TMEM156: variants seen among roughly 807,000 people sequenced by gnomAD.
TMEM156 encodes the protein transmembrane protein 156.
Under a neutral mutation model 30.5 loss-of-function variants are expected in TMEM156, and 28 were observed. The observed-to-expected ratio is 0.92, with a 90% confidence interval of 0.68 to 1.26. The LOEUF (loss-of-function observed/expected upper bound fraction) is 1.26. TMEM156 is among the 50% of genes most tolerant of loss of function. TMEM156 has a pLI of 0.00. For synonymous variants in TMEM156, 137 were observed against 119.9 expected, an observed-to-expected ratio of 1.14 and a Z score of -0.93; for missense variants, 351 against 340.6, an observed-to-expected ratio of 1.03 and a Z score of -0.24.
chr4:38,990,832 T>TTC lies in TMEM156; in HGVS notation c.620-1863_620-1862insGA, dbSNP rs1259655227. ...TTGTTTTTTTGGTTTGTTTTCTGGT[T>TTC]TTTTTTTTTTTTTTTTTTTTTGAGA... On this transcript the variant is annotated intron_variant, in intron 3 of 6. Transcript: ENST00000381938. Among the ~76,000 whole-genome samples, 285 of 66,424 alleles carry TTC rather than the reference T, an allele frequency of 4.3e-3. 14 individuals carry two copies. Among genetic ancestry groups the TTC allele is most frequent in the African/African-American group, 0.011 (232 of 21,818 alleles). 43.6% of individuals were successfully genotyped at this position (66,424 alleles called of 152,430 possible). A position where few individuals can be genotyped will look rare whatever the true frequency, so the allele number is the denominator to read the frequency against.
Position 39,021,827 on chromosome 4 carries a change from C to T in TMEM156, c.88+10399G>A, listed in dbSNP as rs143554077. 6.0e-3 allele frequency among the ~76,000 whole-genome samples: 910 copies of T among 152,272 alleles called. 3 individuals carry two copies. The highest frequency in any genetic ancestry group is 0.054 in the Middle Eastern group (16 of 294). On this transcript the variant is annotated intron_variant, in intron 1 of 6. Transcript: ENST00000381938. ...TTTTTGTACATGGTGTGAAATGAGT[C>T]TGATTACATTCTTCTGTGCTTACTC... is the stretch of plus-strand genomic sequence containing the variant.
chr4:39,005,428 G>A (rs1473623002), intron 1 of TMEM156, among the ~76,000 whole-genome samples: 1 of 152,152 alleles, frequency 6.6e-6, no homozygotes, highest in African/African-American at 2.4e-5. Context: ...GCTGCCTTGT[G>A]AAGAGCTGCC....
intron 1 of TMEM156, among the ~76,000 whole-genome samples, chr4:39,004,317 T>C (rs1271967237): frequency 6.6e-6 from 1 of 152,172 alleles, no homozygotes; most frequent in Non-Finnish European, 1.5e-5. Flanking sequence ...AGTCAAATAT[T>C]TTCTCTTTTT....
rs1172660541 is a variant in TMEM156 at position 38,998,879 on chromosome 4, A to G, written c.119T>C (p.Val40Ala). 2 of 1,613,518 alleles carry G rather than the reference A, an allele frequency of 1.2e-6. No homozygotes were observed. The highest frequency in any genetic ancestry group is 1.7e-6 in the Non-Finnish European group (2 of 1,179,866). ...ATAGGTAAAATTAGATTGCAAACAC[A>G]CTTCCAGACATGATAGCTCCAATGT... ...ERTLELSCLE[V>A]CLQSNFTYSL... is the part of the protein sequence containing the mutation. The change falls in exon 2 of 7, where the codon GTG becomes GCG. Residue 40 changes from valine (V) to alanine (A), a missense_variant. Val to Ala is a moderately conservative substitution (Grantham distance 64). Coordinates refer to ENST00000381938, the MANE Select transcript of TMEM156 (RefSeq NM_024943.3).
chr4:39,031,651 C>T (rs1302498142), intron 1 of TMEM156, among the ~76,000 whole-genome samples: 2 of 151,858 alleles, frequency 1.3e-5, no homozygotes, highest in Non-Finnish European at 2.9e-5. Flanking sequence ...TTTGGGAGGC[C>T]GAGGTGGGTG....
intron 3 of TMEM156, among the ~76,000 whole-genome samples, chr4:38,992,749 TATATATATATA>T (rs1560367193): frequency 2.2e-4 from 10 of 44,512 alleles, no homozygotes; most frequent in South Asian, 7.9e-4. Flanking sequence ...TATAATATAT[TATATATATATA>T]TATTTTTTTT....
rs1215767045 is a variant in TMEM156 at position 38,998,903 on chromosome 4, G to A, written c.95C>T (p.Thr32Ile). Residue 32 changes from threonine (T) to isoleucine (I), a missense_variant, in exon 2 of 7, where the codon ACA becomes ATA. By Grantham distance (89) the Thr-to-Ile change is moderately conservative. Transcript: ENST00000381938. The part of the protein sequence containing the change: ...PEYFKTPKER[T>I]LELSCLEVCL... ...CACTTCCAGACATGATAGCTCCAAT[G>A]TTCTTTCTGTAAAGAAAAAAGAAAA... 21 of 1,597,106 alleles carry A rather than the reference G, an allele frequency of 1.3e-5. No individual in the cohort carries two copies. Among genetic ancestry groups the A allele is most frequent in the Non-Finnish European group, 1.7e-5 (20 of 1,174,160 alleles).
rs1245171227 is a variant in TMEM156, at chr4:38,984,377, GTGTGTGT to G, written c.823+1952_823+1958del. On this transcript the variant is annotated intron_variant, in intron 5 of 6. Coordinates refer to ENST00000381938, the MANE Select transcript of TMEM156 (RefSeq NM_024943.3). The stretch of plus-strand genomic sequence containing the variant: ...TGTGTGTGTGTGTGTGTGTGTGTGT[GTGTGTGT>G]TGAACAATACTCACTTTTAAATGCA... Among the ~76,000 whole-genome samples, 531 of 148,678 alleles carry G rather than the reference GTGTGTGT, an allele frequency of 3.6e-3. 3 individuals are homozygous for G. Among genetic ancestry groups the G allele is most frequent in the African/African-American group, 0.013 (506 of 38,584 alleles).
At chr4:39,024,337 G>A (rs1377087825) in intron 1 of TMEM156, among the ~76,000 whole-genome samples, 1 of 152,114 alleles carries the variant, frequency 6.6e-6, no homozygotes. Flanking sequence ...GCCCAGCCGA[G>A]CCAGAGGAAT....
At chr4:38,988,392 T>C (rs1217157114) in intron 4 of TMEM156, among the ~76,000 whole-genome samples, 1 of 151,814 alleles carries the variant, frequency 6.6e-6, no homozygotes, top group African/African-American at 2.4e-5. Context: ...CCTGGCTAAT[T>C]TTTGTATTTT....
chr4:38,988,865 AC>A lies in TMEM156; in HGVS notation c.724del (p.Val242CysfsTer16), dbSNP rs1712204622. The A allele has an allele frequency of 6.2e-7, 1 of 1,613,976 alleles. No individual in the cohort carries two copies. The highest frequency in any genetic ancestry group is 8.5e-7 in the Non-Finnish European group (1 of 1,179,982). On this transcript the variant is annotated frameshift_variant, in exon 4 of 7. Transcript: ENST00000381938. LOFTEE classifies it high-confidence loss of function. ...ATTATACTTACTCTGCCACTTTTGC[AC>A]TCTTCTCTGGCCTTCAAGTATTTTG... ...IRKILEGQRR[V>X]QKWQSHRDKP... is the part of the protein sequence containing the mutation.
At chr4:39,004,354 A>G (rs1713583038) in intron 1 of TMEM156, among the ~76,000 whole-genome samples, 1 of 152,188 alleles carries the variant, frequency 6.6e-6, no homozygotes, top group South Asian at 2.1e-4. Context: ...AAGATTAAAG[A>G]AACATCAACT....
intron 1 of TMEM156, among the ~76,000 whole-genome samples, chr4:39,009,520 C>T (rs1356474810): frequency 2.0e-5 from 3 of 152,106 alleles, no homozygotes; most frequent in Non-Finnish European, 4.4e-5. Context: ...CAAACCAAAT[C>T]CAACAGCATA....
Position 38,983,800 on chromosome 4 carries a change from C to A in TMEM156, c.823+2536G>T, listed in dbSNP as rs539248031. ...TAGCCCTTCTACAAAGCGTGCTATG[C>A]CTTCTTTAATAAAGTGGAATTCTAT... On this transcript the variant is annotated intron_variant, in intron 5 of 6. Coordinates refer to ENST00000381938, the MANE Select transcript of TMEM156 (RefSeq NM_024943.3). 2.0e-5 allele frequency among the ~76,000 whole-genome samples: 3 copies of A among 152,324 alleles called. No individual in the cohort carries two copies. The South Asian group carries it at 6.2e-4, about 32-fold the overall frequency.
intron 5 of TMEM156, among the ~76,000 whole-genome samples, chr4:38,972,242 A>ATTTTTT (rs144479056): frequency 2.6e-5 from 2 of 75,816 alleles, no homozygotes; most frequent in Non-Finnish European, 4.6e-5. Context: ...TTCTCTGGGA[A>ATTTTTT]TTTTTTTTTT....
chr4:38,996,397 C>G (rs1364648017), intron 2 of TMEM156, among the ~76,000 whole-genome samples: 1 of 141,758 alleles, frequency 7.1e-6, no homozygotes, highest in African/African-American at 2.8e-5. Context: ...CCCGTCTCTA[C>G]TAAAAATACA....
intron 5 of TMEM156, chr4:38,981,046 T>TAG (rs1723152988): frequency 1.7e-6 from 1 of 588,814 alleles, no homozygotes. Flanking sequence ...ACCAAGCAGA[T>TAG]GGCTGTAACC....
At chr4:38,993,098 C>T (rs867297465) in intron 3 of TMEM156, among the ~76,000 whole-genome samples, 2 of 151,368 alleles carry the variant, frequency 1.3e-5, no homozygotes, top group Non-Finnish European at 2.9e-5. Context: ...CCCTTTAGTA[C>T]ACAAATATGG....
chr4:39,027,551 C>CTTTTTT (rs71192813), intron 1 of TMEM156, among the ~76,000 whole-genome samples: 1 of 79,056 alleles, frequency 1.3e-5, no homozygotes, highest in African/African-American at 5.0e-5. Flanking sequence ...TATACTATTC[C>CTTTTTT]TTTTTTTTTT....
Sources: allele counts gnomAD v4.1 joint callset (sites outside exome capture counted in the v4.1 genomes callset), GRCh38; gene constraint gnomAD v4.1.1; transcripts MANE v1.5; gene names NCBI Gene and HGNC (gene_info 2026-07-23, HGNC 2026-07-21).